Variants in ZNF746 observed in about 807,000 individuals in gnomAD.
ZNF746 encodes the protein zinc finger protein 746.
Under a neutral mutation model 41.0 loss-of-function variants are expected in ZNF746, and 13 were observed. The ratio of observed to expected loss-of-function variants is 0.32; its 90% confidence interval spans 0.21 to 0.50. The LOEUF is 0.50. Ranked by LOEUF, ZNF746 falls within the 20% of genes least tolerant of loss-of-function variation. The pLI, the probability that ZNF746 is intolerant of heterozygous loss-of-function variation, is 0.98. For missense variants in ZNF746, 811 were observed against 922.9 expected, an observed-to-expected ratio of 0.88 and a Z score of 1.57; for synonymous variants, 424 against 396.2, an observed-to-expected ratio of 1.07 and a Z score of -0.83.
In ZNF746 at chr7:149,474,234, GT is replaced by G. The variant is rs1273531047; in HGVS notation, c.*149del. On this transcript the variant is annotated 3_prime_UTR_variant, in exon 7 of 7. Coordinates refer to ENST00000458143, the MANE Select transcript of ZNF746 (RefSeq NM_001394198.1). The surrounding 1 kb of genome is among the most constrained non-coding windows in gnomAD (Gnocchi z 6.3). ...GAGGTGGCAGCTGTCCTGGTGGATAGTTTCTCTTTCTCCAGTGATCATCAGT... is the reference window on the plus strand; with the variant it reads ...GAGGTGGCAGCTGTCCTGGTGGATAGTTCTCTTTCTCCAGTGATCATCAGT... 1.2e-5 allele frequency: 11 copies of G among 882,516 alleles called. No individual in the cohort carries two copies. The African/African-American group carries it at 1.9e-4, about 15-fold the overall frequency. 54.7% of individuals were successfully genotyped at this position (882,516 alleles called of 1,614,324 possible).
chr7:149,476,313 CAAAAAAAAAAAAAAAA>C (rs55888950), intron 6 of ZNF746, among the ~76,000 whole-genome samples: 1 of 63,314 alleles, frequency 1.6e-5, no homozygotes, highest in Non-Finnish European at 2.9e-5. Context: ...GACTCCGCCT[CAAAAAAAAAAAAAAAA>C]AAAAAAAAAA....
intron 4 of ZNF746, among the ~76,000 whole-genome samples, chr7:149,482,013 T>C (rs1800497911): frequency 6.6e-6 from 1 of 152,368 alleles, no homozygotes; most frequent in South Asian, 2.1e-4. Context: ...ACATTTTATT[T>C]AGCCCAAGAT....
intron 3 of ZNF746, 130 bp downstream of exon 3, chr7:149,493,859 G>GT (rs1449181512): frequency 8.8e-6 from 13 of 1,471,716 alleles, no homozygotes; most frequent in African/African-American, 4.2e-5. Flanking sequence ...TTCACAAAAG[G>GT]TAACAACTTG....
At chr7:149,493,945 CT>C (rs1449183583) in intron 3 of ZNF746, 43 bp downstream of exon 3, 1 of 1,614,006 alleles carries the variant, frequency 6.2e-7, no homozygotes, top group African/African-American at 1.3e-5. Context: ...ATTCTGAGGA[CT>C]TGCAAAATCC....
In ZNF746 at chr7:149,474,824, TGCCGCCACC is replaced by T. The variant is rs1003243639; in HGVS notation, c.1534_1542del (p.Gly512_Gly514del). On this transcript the variant is annotated inframe_deletion, in exon 7 of 7. Transcript: ENST00000458143. The surrounding 1 kb of genome is among the most constrained non-coding windows in gnomAD (Gnocchi z 6.3). ...CCATCCCGTGCGCTGCCCCCACCGC[TGCCGCCACC>T]GCCGCCGCCACTGCCGCTGCCGCCA... The T allele has an allele frequency of 2.1e-6, 3 of 1,431,306 alleles. No individual in the cohort carries two copies. The highest frequency in any genetic ancestry group is 2.8e-5 in the East Asian group (1 of 35,514). The allele number at this position is 1,431,306 out of a possible 1,614,324, so 88.7% of individuals were successfully genotyped here.
rs936642916 is a variant in ZNF746 at position 149,474,794 on chromosome 7, C to A, written c.1573G>T (p.Ala525Ser). ...SGGGSARDGS[A>S]LRCGECGRCF... Reference sequence around the variant, plus strand: ...CGGCCGCACTCCCCACACCGAAGGGCGCTGCCATCCCGTGCGCTGCCCCCA... The same window carrying A: ...CGGCCGCACTCCCCACACCGAAGGGAGCTGCCATCCCGTGCGCTGCCCCCA... Residue 525 changes from alanine to serine, a missense_variant, in exon 7 of 7, where the codon GCC becomes TCC. Around this residue, in one of 4 missense-constraint regions of ZNF746, gnomAD observed 495 missense variants for 481.6 expected, o/e 1.03. Coordinates refer to ENST00000458143, the MANE Select transcript of ZNF746 (RefSeq NM_001394198.1). This position sits in a 1 kb window ranked among gnomAD's most constrained non-coding sequence, Gnocchi z 6.3. The A allele has an allele frequency of 1.7e-5, 26 of 1,533,762 alleles. No individual in the cohort carries two copies. Among genetic ancestry groups the A allele is most frequent in the African/African-American group, 2.7e-5 (2 of 73,162 alleles).
intron 6 of ZNF746, among the ~76,000 whole-genome samples, 184 bp downstream of exon 6, chr7:149,476,738 C>G (rs1800313446): frequency 6.6e-6 from 1 of 152,212 alleles, no homozygotes; most frequent in Admixed American, 6.5e-5. Flanking sequence ...AGAAGGGCTG[C>G]TGACACCTAT....
At chr7:149,478,658 A>G (rs1800392997) in intron 4 of ZNF746, among the ~76,000 whole-genome samples, 1 of 152,210 alleles carries the variant, frequency 6.6e-6, no homozygotes, top group Non-Finnish European at 1.5e-5. Flanking sequence ...TACAAAACAG[A>G]AGAGGTGCCA....
intron 6 of ZNF746, 118 bp from the exon 7 acceptor site, chr7:149,475,601 T>C (rs1800273985): frequency 6.7e-7 from 1 of 1,489,102 alleles, no homozygotes; most frequent in Non-Finnish European, 8.9e-7. Flanking sequence ...CAGGCCCTCG[T>C]GGCTGAGCCC....
At position 149,497,426 on chromosome 7, in the gene ZNF746, TC is replaced by T. The variant is rs2116511208; in HGVS notation, c.24+86del. The T allele has an allele frequency of 9.7e-7, 1 of 1,030,026 alleles. No individual in the cohort carries two copies. The highest frequency in any genetic ancestry group is 1.2e-6 in the Non-Finnish European group (1 of 857,366). The allele number at this position is 1,030,026 out of a possible 1,614,324, so 63.8% of individuals were successfully genotyped here. A position where few individuals can be genotyped will look rare whatever the true frequency, so the allele number is the denominator to read the frequency against. ...GGTCCGGCCCGGACCCCGGAACCCC[TC>T]CCCAGGGCCTGCGGCGCCGTGTGCC... On this transcript the variant is annotated intron_variant, in intron 1 of 6. Transcript: ENST00000458143. The surrounding 1 kb of genome is among the most constrained non-coding windows in gnomAD (Gnocchi z 4.2).
chr7:149,487,682 C>T (rs1357439568), intron 4 of ZNF746: 1 of 151,960 alleles, frequency 6.6e-6, no homozygotes, highest in Non-Finnish European at 1.5e-5. Flanking sequence ...CCTGAAATAA[C>T]TAATACATCT....
rs748636306 is a variant in ZNF746 at position 149,474,549 on chromosome 7, C to T, written c.1818G>A (p.Ala606=). 14 of 1,608,550 alleles carry T rather than the reference C, an allele frequency of 8.7e-6. No individual in the cohort carries two copies. In the Admixed American group the frequency reaches 1.0e-4, roughly 12 times the overall value. Reference sequence around the variant, plus strand: ...GGCCTCGGGCCGGGGTCTTGGCGCCCGCTGCATGGTTGCGCTGGTGCTTGC... The same window carrying T: ...GGCCTCGGGCCGGGGTCTTGGCGCCTGCTGCATGGTTGCGCTGGTGCTTGC... ...HLRKHQRNHA[A]GAKTPARGQP... Residue 606 remains alanine (A), a synonymous_variant, in exon 7 of 7, where the codon GCG becomes GCA. Coordinates refer to ENST00000458143, the MANE Select transcript of ZNF746 (RefSeq NM_001394198.1). The surrounding 1 kb of genome is among the most constrained non-coding windows in gnomAD (Gnocchi z 6.3).
At chr7:149,493,108 T>G (rs1206860349) in intron 3 of ZNF746, 136 bp from the exon 4 acceptor site, 1 of 645,640 alleles carries the variant, frequency 1.5e-6, no homozygotes, top group Non-Finnish European at 2.7e-6. Context: ...ACAGGCAATT[T>G]TGCTCCCTGG....
Position 149,497,132 on chromosome 7 carries a change from C to G in ZNF746, c.24+381G>C, listed in dbSNP as rs182872140. 1.5e-3 allele frequency: 1,486 copies of G among 985,352 alleles called. 12 individuals are homozygous for G. In the African/African-American group the frequency reaches 0.023, roughly 16 times the overall value. 61.0% of individuals were successfully genotyped at this position (985,352 alleles called of 1,614,324 possible). ...CGGACACCTCCCAGGTGCCACCAGG[C>G]CGCTGCGGGGGAGATGGAGAGGGAC... On this transcript the variant is annotated intron_variant, in intron 1 of 6. Transcript: ENST00000458143. This position sits in a 1 kb window ranked among gnomAD's most constrained non-coding sequence, Gnocchi z 4.2.
chr7:149,474,861 G>A lies in ZNF746; in HGVS notation c.1506C>T (p.Gly502=), dbSNP rs749165743. 1.4e-6 allele frequency: 2 copies of A among 1,462,998 alleles called. No individual in the cohort carries two copies. The highest frequency in any genetic ancestry group is 9.0e-7 in the Non-Finnish European group (1 of 1,114,754). The allele number at this position is 1,462,998 out of a possible 1,614,324, so 90.6% of individuals were successfully genotyped here. ...CGCCGCCACTGCCGCTGCCGCCACC[G>A]CCTGTGCCCGGGCCCGACCCGTCGG... ...GAPDGSGPGT[G]GGGSGSGGGG... The change falls in exon 7 of 7, where the codon GGC becomes GGT. Residue 502 remains glycine (G), a synonymous_variant. Coordinates refer to ENST00000458143, the MANE Select transcript of ZNF746 (RefSeq NM_001394198.1). This position sits in a 1 kb window ranked among gnomAD's most constrained non-coding sequence, Gnocchi z 6.3.
At chr7:149,484,414 A>C (rs375389844) in intron 4 of ZNF746, among the ~76,000 whole-genome samples, 2 of 152,350 alleles carry the variant, frequency 1.3e-5, no homozygotes, top group East Asian at 3.9e-4. Context: ...TAGCAGGTTA[A>C]GGAGAAAAAA....
intron 4 of ZNF746, among the ~76,000 whole-genome samples, chr7:149,485,300 A>G (rs949862928): frequency 1.3e-5 from 2 of 152,234 alleles, no homozygotes; most frequent in Non-Finnish European, 2.9e-5. Context: ...AAAAGTGTCA[A>G]TTCTCTCCAA....
chr7:149,474,423 G>A lies in ZNF746; in HGVS notation c.1944C>T (p.Gly648=). The A allele has an allele frequency of 6.2e-7, 1 of 1,610,958 alleles. No individual in the cohort carries two copies. Among genetic ancestry groups the A allele is most frequent in the Non-Finnish European group, 8.5e-7 (1 of 1,178,786 alleles). The change falls in exon 7 of 7, where the codon GGC becomes GGT. Residue 648 remains glycine (G), a synonymous_variant. Transcript: ENST00000458143. This position sits in a 1 kb window ranked among gnomAD's most constrained non-coding sequence, Gnocchi z 6.3. ...CATCGGTGGGTCCCAGGACGCTGAGGCCACAAGTCCAGTCGGTCACAAGGT... is the reference window on the plus strand; with the variant it reads ...CATCGGTGGGTCCCAGGACGCTGAGACCACAAGTCCAGTCGGTCACAAGGT... ...STDLVTDWTC[G]LSVLGPTDGG... is the part of the protein sequence containing the mutation.
Position 149,494,606 on chromosome 7 carries a change from G to A in ZNF746, c.25-103C>T. 2 of 1,294,320 alleles carry A rather than the reference G, an allele frequency of 1.5e-6. No individual in the cohort carries two copies. Among genetic ancestry groups the A allele is most frequent in the Non-Finnish European group, 2.2e-6 (2 of 922,022 alleles). 80.2% of individuals were successfully genotyped at this position (1,294,320 alleles called of 1,614,324 possible). A position where few individuals can be genotyped will look rare whatever the true frequency, so the allele number is the denominator to read the frequency against. On this transcript the variant is annotated intron_variant, in intron 1 of 6. Transcript: ENST00000458143. The surrounding 1 kb of genome is among the most constrained non-coding windows in gnomAD (Gnocchi z 5.6). ...GGGGAGTTGGGCTGGGAGTCCATATGTGTGGACAAGTGGGGCTATCCTATA... is the reference window on the plus strand; with the variant it reads ...GGGGAGTTGGGCTGGGAGTCCATATATGTGGACAAGTGGGGCTATCCTATA...
Sources: allele counts gnomAD v4.1 joint callset (sites outside exome capture counted in the v4.1 genomes callset), GRCh38; gene constraint gnomAD v4.1.1; regional missense constraint gnomAD v4.1.1; non-coding constraint Gnocchi (gnomAD v3.1); transcripts MANE v1.5; gene names NCBI Gene and HGNC (gene_info 2026-07-23, HGNC 2026-07-21).